EEIG2: variants seen among roughly 807,000 people sequenced by gnomAD.
EEIG2 encodes the protein family with sequence similarity 102 member B.
At chr1:108,562,602 T>C in the EEIG2 span, among the ~76,000 whole-genome samples, 1 of 152,202 alleles carries the variant, frequency 6.6e-6, no homozygotes, top group Non-Finnish European at 1.5e-5. Flanking sequence ...TAAACCTGGA[T>C]GGGTTACTTA....
the EEIG2 span, among the ~76,000 whole-genome samples, chr1:108,629,275 C>T: frequency 2.0e-5 from 3 of 152,120 alleles, no homozygotes; most frequent in African/African-American, 7.2e-5. Flanking sequence ...GAATAGAAAG[C>T]ACTTAACAGT....
the EEIG2 span, among the ~76,000 whole-genome samples, chr1:108,569,248 T>C: frequency 6.6e-6 from 1 of 152,216 alleles, no homozygotes; most frequent in Non-Finnish European, 1.5e-5. Flanking sequence ...TCAGTACTAC[T>C]AACAGTTGAA....
At chr1:108,627,049 C>T in the EEIG2 span, 1 of 152,230 alleles carries the variant, frequency 6.6e-6, no homozygotes, top group Non-Finnish European at 1.5e-5. Flanking sequence ...ACTTCCTATA[C>T]CTTGTACAGT....
the EEIG2 span, chr1:108,629,537 C>T: frequency 1.3e-5 from 16 of 1,214,148 alleles, no homozygotes; most frequent in Non-Finnish European, 1.9e-5. Context: ...ATATATTTGA[C>T]AATAGTCTAA....
the EEIG2 span, among the ~76,000 whole-genome samples, chr1:108,623,041 C>A: frequency 6.6e-6 from 1 of 152,022 alleles, no homozygotes; most frequent in Non-Finnish European, 1.5e-5. Context: ...TAGAGACCAG[C>A]CTGGGCAACA....
the EEIG2 span, among the ~76,000 whole-genome samples, chr1:108,589,656 C>T: frequency 6.6e-6 from 1 of 152,000 alleles, no homozygotes; most frequent in Admixed American, 6.6e-5. Context: ...CTCGTATACC[C>T]TAAGTGTTCA....
chr1:108,606,278 T>A, the EEIG2 span: 1 of 1,509,686 alleles, frequency 6.6e-7, no homozygotes, highest in Middle Eastern at 1.8e-4. Flanking sequence ...TTTAACTGTT[T>A]TGGAACATGT....
At chr1:108,562,285 G>A in the EEIG2 span, among the ~76,000 whole-genome samples, 1 of 152,110 alleles carries the variant, frequency 6.6e-6, no homozygotes, top group Admixed American at 6.5e-5. Context: ...TCTGAATAGG[G>A]AGCTTCCTAA....
chr1:108,617,879 A>G, the EEIG2 span, among the ~76,000 whole-genome samples: 1 of 152,186 alleles, frequency 6.6e-6, no homozygotes, highest in Non-Finnish European at 1.5e-5. Context: ...AGGACTGAGG[A>G]TTGACCTTTG....
chr1:108,613,176 T>G, the EEIG2 span, among the ~76,000 whole-genome samples: 1 of 152,176 alleles, frequency 6.6e-6, no homozygotes, highest in African/African-American at 2.4e-5. Context: ...AGGAAGAAAT[T>G]AGAAAAGTAT....
chr1:108,630,858 G>A, the EEIG2 span, among the ~76,000 whole-genome samples: 1 of 152,096 alleles, frequency 6.6e-6, no homozygotes, highest in Admixed American at 6.5e-5. Context: ...GTAGCTCCTT[G>A]GACCAAGACA....
the EEIG2 span, among the ~76,000 whole-genome samples, chr1:108,572,498 A>T: frequency 6.6e-6 from 1 of 152,132 alleles, no homozygotes; most frequent in East Asian, 1.9e-4. Flanking sequence ...CAAGTATCTA[A>T]TAACATGTGT....
chr1:108,601,881 C>G, the EEIG2 span, among the ~76,000 whole-genome samples: 2 of 152,142 alleles, frequency 1.3e-5, no homozygotes, highest in Non-Finnish European at 2.9e-5. Flanking sequence ...CAGTGACCAG[C>G]CAGCAGTACT....
the EEIG2 span, among the ~76,000 whole-genome samples, chr1:108,620,656 G>A: frequency 6.6e-6 from 1 of 152,118 alleles, no homozygotes; most frequent in Non-Finnish European, 1.5e-5. Flanking sequence ...TTTCATGAAT[G>A]TTACTGTCTC....
At chr1:108,634,529 A>G in the EEIG2 span, among the ~76,000 whole-genome samples, 1 of 152,188 alleles carries the variant, frequency 6.6e-6, no homozygotes, top group African/African-American at 2.4e-5. Flanking sequence ...GTACCTGGTG[A>G]TAACTTCAGG....
At chr1:108,623,817 G>A in the EEIG2 span, among the ~76,000 whole-genome samples, 1 of 151,936 alleles carries the variant, frequency 6.6e-6, no homozygotes, top group African/African-American at 2.4e-5. Context: ...GACTACAGAT[G>A]CATGCCACCA....
chr1:108,566,810 A>G, the EEIG2 span, among the ~76,000 whole-genome samples: 1 of 152,178 alleles, frequency 6.6e-6, no homozygotes, highest in African/African-American at 2.4e-5. Flanking sequence ...CATCTCACAT[A>G]TATGTGGGAT....
chr1:108,602,576 C>T, the EEIG2 span, among the ~76,000 whole-genome samples: 1 of 152,150 alleles, frequency 6.6e-6, no homozygotes, highest in East Asian at 1.9e-4. Flanking sequence ...AACTTGTGTA[C>T]CTATATGAAG....
At chr1:108,574,262 A>AG in the EEIG2 span, among the ~76,000 whole-genome samples, 5 of 152,210 alleles carry the variant, frequency 3.3e-5, no homozygotes, top group Non-Finnish European at 7.3e-5. Flanking sequence ...AATCACAAAA[A>AG]AAAAAGACAA....
Sources: gnomAD v4.1 joint callset for allele counts (sites outside exome capture counted in the v4.1 genomes callset) on GRCh38, gnomAD v4.1.1 for gene constraint, MANE v1.5 for transcripts, NCBI Gene and HGNC (gene_info 2026-07-23, HGNC 2026-07-21) for gene names.